Variants in NBEA observed in about 807,000 individuals in gnomAD.
NBEA encodes the protein neurobeachin.
Under a neutral mutation model 343.4 loss-of-function variants are expected in NBEA, and 44 were observed. That is an observed-to-expected ratio of 0.13 (90% CI 0.10 to 0.16). The LOEUF (loss-of-function observed/expected upper bound fraction) is 0.16, where lower values mean the gene tolerates loss of function less well. NBEA is among the 10% of genes least tolerant of loss of function. The pLI is 1.00. For missense variants in NBEA, 2,555 were observed against 3,631.3 expected, an observed-to-expected ratio of 0.70 and a Z score of 7.62; for synonymous variants, 1,175 against 1,238.7, an observed-to-expected ratio of 0.95 and a Z score of 1.08.
chr13:35,549,853 T>C (rs763120355), intron 41 of NBEA, among the ~76,000 whole-genome samples: 10 of 152,246 alleles, frequency 6.6e-5, no homozygotes, highest in Non-Finnish European at 1.2e-4. Context: ...AGCCAAACTC[T>C]GCCCTGGGGG....
At chr13:35,015,785 T>A (rs534664246) in intron 1 of NBEA, among the ~76,000 whole-genome samples, 1 of 152,132 alleles carries the variant, frequency 6.6e-6, no homozygotes, top group Non-Finnish European at 1.5e-5. Flanking sequence ...ATATTCATAA[T>A]ATAAAAATAC....
At chr13:35,378,537 T>G (rs2041857588) in intron 38 of NBEA, among the ~76,000 whole-genome samples, 1 of 152,092 alleles carries the variant, frequency 6.6e-6, no homozygotes, top group Non-Finnish European at 1.5e-5. Context: ...CTTGGGTAAG[T>G]GTTATTTTAC....
chr13:35,400,440 A>T (rs1197589403), intron 38 of NBEA, among the ~76,000 whole-genome samples: 1 of 151,988 alleles, frequency 6.6e-6, no homozygotes, highest in Non-Finnish European at 1.5e-5. Context: ...AAATTATCTT[A>T]TTGAGAATCA....
At chr13:35,607,159 C>G (rs1183362765) in intron 48 of NBEA, among the ~76,000 whole-genome samples, 1 of 152,156 alleles carries the variant, frequency 6.6e-6, no homozygotes, top group Non-Finnish European at 1.5e-5. Context: ...AAGTAGTCCT[C>G]CCACCTCAGC....
intron 1 of NBEA, among the ~76,000 whole-genome samples, chr13:34,974,056 A>G (rs2060086377): frequency 6.6e-6 from 1 of 151,964 alleles, no homozygotes; most frequent in Admixed American, 6.6e-5. Context: ...TCCGTGGGAG[A>G]AGCATGGCAT....
chr13:35,283,594 C>G (rs570580544), intron 34 of NBEA, among the ~76,000 whole-genome samples: 28 of 152,226 alleles, frequency 1.8e-4, no homozygotes, highest in Middle Eastern at 3.4e-3. Context: ...ATGCATTTTA[C>G]AATTCAAATA....
At chr13:35,156,741 T>C (rs2069200823) in intron 20 of NBEA, among the ~76,000 whole-genome samples, 1 of 152,172 alleles carries the variant, frequency 6.6e-6, no homozygotes, top group Non-Finnish European at 1.5e-5. Context: ...GTACACAGTC[T>C]CAGTACATTC....
intron 49 of NBEA, among the ~76,000 whole-genome samples, chr13:35,643,680 C>A (rs570663588): frequency 3.9e-5 from 6 of 152,256 alleles, no homozygotes; most frequent in Admixed American, 3.3e-4. Flanking sequence ...ATATGCAGGG[C>A]ATTCATTATG....
intron 45 of NBEA, among the ~76,000 whole-genome samples, chr13:35,576,203 G>A (rs2080733463): frequency 6.7e-6 from 1 of 149,956 alleles, no homozygotes; most frequent in Non-Finnish European, 1.5e-5. Context: ...TACAACTTCC[G>A]CCTCCGAGAT....
At chr13:34,983,435 TG>T (rs2060431898) in intron 1 of NBEA, among the ~76,000 whole-genome samples, 1 of 152,226 alleles carries the variant, frequency 6.6e-6, no homozygotes, top group African/African-American at 2.4e-5. Context: ...GATGGACATT[TG>T]GGTTGGTTCT....
chr13:35,538,422 T>C (rs2078658082), intron 41 of NBEA, among the ~76,000 whole-genome samples: 1 of 152,186 alleles, frequency 6.6e-6, no homozygotes, highest in African/African-American at 2.4e-5. Flanking sequence ...CACACTGAAT[T>C]TATACGCTAC....
chr13:35,116,421 A>G (rs1381216009), intron 13 of NBEA, among the ~76,000 whole-genome samples: 1 of 152,090 alleles, frequency 6.6e-6, no homozygotes, highest in Admixed American at 6.6e-5. Context: ...GTTTTTTTAA[A>G]GTAATACCAA....
At chr13:35,176,112 A>G (rs2070880167) in intron 27 of NBEA, among the ~76,000 whole-genome samples, 2 of 152,132 alleles carry the variant, frequency 1.3e-5, no homozygotes, top group Non-Finnish European at 2.9e-5. Context: ...TCATATAGCC[A>G]GAAGTTTTGG....
chr13:35,567,214 G>A (rs1030492449), intron 45 of NBEA, among the ~76,000 whole-genome samples, 197 bp downstream of exon 45: 1 of 152,142 alleles, frequency 6.6e-6, no homozygotes, highest in Admixed American at 6.5e-5. Flanking sequence ...TACTAGCATA[G>A]GCAAAATGAA....
chr13:34,948,231 G>A (rs1325300814), intron 1 of NBEA, among the ~76,000 whole-genome samples: 2 of 152,100 alleles, frequency 1.3e-5, no homozygotes, highest in African/African-American at 4.8e-5. Context: ...GGTTTAGGTG[G>A]GTCTACCCCA....
At chr13:35,515,031 C>A (rs754096712) in intron 41 of NBEA, among the ~76,000 whole-genome samples, 2 of 152,182 alleles carry the variant, frequency 1.3e-5, no homozygotes, top group African/African-American at 2.4e-5. Flanking sequence ...TGACAATAAT[C>A]TTCAAAGAAC....
chr13:35,435,264 C>G (rs543557985), intron 39 of NBEA, among the ~76,000 whole-genome samples: 1 of 152,262 alleles, frequency 6.6e-6, no homozygotes, highest in Admixed American at 6.5e-5. Flanking sequence ...CCACCCACCT[C>G]GGTCTCCCAA....
chr13:35,574,394 AACAAAAG>A (rs2080618028), intron 45 of NBEA, among the ~76,000 whole-genome samples: 1 of 120,618 alleles, frequency 8.3e-6, no homozygotes, highest in African/African-American at 3.6e-5. Context: ...AAAAAAGAAA[AACAAAAG>A]AAAAAAAACA....
At chr13:35,497,393 T>C (rs2076723401) in intron 41 of NBEA, among the ~76,000 whole-genome samples, 1 of 152,142 alleles carries the variant, frequency 6.6e-6, no homozygotes, top group South Asian at 2.1e-4. Flanking sequence ...AGAAAAATTA[T>C]TTCATTTGCT....
Sources: gnomAD v4.1 joint callset for allele counts (sites outside exome capture counted in the v4.1 genomes callset) on GRCh38, gnomAD v4.1.1 for gene constraint, MANE v1.5 for transcripts, NCBI Gene and HGNC (gene_info 2026-07-23, HGNC 2026-07-21) for gene names.